Variants in RPGRIP1 observed in about 807,000 individuals in gnomAD.
The protein encoded by RPGRIP1 is RPGR interacting protein 1.
In RPGRIP1, 128 loss-of-function variants were observed where a neutral mutation model predicts 157.9. The observed-to-expected ratio is 0.81, with a 90% CI of 0.70 to 0.94. The LOEUF (loss-of-function observed/expected upper bound fraction) is 0.94. Among genes scored for constraint, RPGRIP1 ranks in the 40% least tolerant of loss-of-function variants. The probability of loss-of-function intolerance (pLI) is 0.00; values close to 1 mark genes in which losing one functional copy is unlikely to be tolerated. For synonymous variants in RPGRIP1, 554 were observed against 571.6 expected, an observed-to-expected ratio of 0.97 and a Z score of 0.44; for missense variants, 1,486 against 1,545.8, an observed-to-expected ratio of 0.96 and a Z score of 0.65.
At position 21,289,201 on chromosome 14, in the gene RPGRIP1, G is replaced by A. The variant is rs1302074220; in HGVS notation, c.85+1140G>A. ...AAATTAGCTGGGCGTTGTGGCGGGCGCCTGTAGTCCCAGCTACTCAGGAGG... is the reference window on the plus strand; with the variant it reads ...AAATTAGCTGGGCGTTGTGGCGGGCACCTGTAGTCCCAGCTACTCAGGAGG... On this transcript the variant is annotated intron_variant, in intron 2 of 24. Coordinates refer to ENST00000400017, the MANE Select transcript of RPGRIP1 (RefSeq NM_020366.4). Among the ~76,000 whole-genome samples the A allele has an allele frequency of 1.1e-4, 16 of 152,054 alleles. No individual in the cohort carries two copies. In the East Asian group the frequency reaches 1.7e-3, roughly 17 times the overall value.
rs539083010 is a variant in RPGRIP1 at position 21,306,112 on chromosome 14, CTTTTTTTTTTTTTTTTT to C, written c.801-1598_801-1582del. ...AGCTCCTAGGTTCAGGAATAATAGT[CTTTTTTTTTTTTTTTTT>C]TTTTTTTTTTTTTTTTTTTTGAGAC... On this transcript the variant is annotated intron_variant, in intron 6 of 24. Transcript: ENST00000400017. Among the ~76,000 whole-genome samples, 17 of 44,826 alleles carry C rather than the reference CTTTTTTTTTTTTTTTTT, an allele frequency of 3.8e-4. No individual in the cohort carries two copies. In the South Asian group the frequency reaches 4.1e-3, roughly 11 times the overall value. The allele number at this position is 44,826 out of a possible 152,430, so 29.4% of individuals were successfully genotyped here. A position where few individuals can be genotyped will look rare whatever the true frequency, so the allele number is the denominator to read the frequency against.
Position 21,305,004 on chromosome 14 carries a change from A to C in RPGRIP1, c.800+1461A>C, listed in dbSNP as rs2874061. ...TTTTTAGTAGAGACGGGGTTTCACC[A>C]TGTTAGCCAGGATGGTCTCGATCTC... On this transcript the variant is annotated intron_variant, in intron 6 of 24. Coordinates refer to ENST00000400017, the MANE Select transcript of RPGRIP1 (RefSeq NM_020366.4). Among the ~76,000 whole-genome samples, 164 of 151,874 alleles carry C rather than the reference A, an allele frequency of 1.1e-3. 3 individuals are homozygous for C. Among genetic ancestry groups the C allele is most frequent in the Non-Finnish European group, 1.6e-4 (11 of 67,938 alleles).
intron 10 of RPGRIP1, among the ~76,000 whole-genome samples, chr14:21,315,826 T>C: frequency 6.6e-6 from 1 of 150,814 alleles, no homozygotes; most frequent in African/African-American, 2.4e-5. Flanking sequence ...TGAGGCAGAG[T>C]CTCACTCTGT....
At chr14:21,331,707 G>T (rs1237051167) in intron 20 of RPGRIP1, among the ~76,000 whole-genome samples, 1 of 152,028 alleles carries the variant, frequency 6.6e-6, no homozygotes, top group Non-Finnish European at 1.5e-5. Flanking sequence ...TTGGGCATCT[G>T]GAGTGCTACC....
chr14:21,286,757 T>C (rs1378344833), intron 1 of RPGRIP1, among the ~76,000 whole-genome samples: 1 of 151,976 alleles, frequency 6.6e-6, no homozygotes, highest in Non-Finnish European at 1.5e-5. Context: ...ATTACACCAC[T>C]GCACTCCAGC....
At chr14:21,282,515 C>T (rs1412644622) in intron 1 of RPGRIP1, among the ~76,000 whole-genome samples, 3 of 151,964 alleles carry the variant, frequency 2.0e-5, no homozygotes, top group African/African-American at 7.2e-5. Flanking sequence ...GGATTACAGG[C>T]GTGAGCCACC....
chr14:21,299,568 T>A (rs1211560697), intron 3 of RPGRIP1, among the ~76,000 whole-genome samples: 1 of 152,146 alleles, frequency 6.6e-6, no homozygotes, highest in Non-Finnish European at 1.5e-5. Flanking sequence ...ACCCCACTGT[T>A]CTAAGCATTT....
intron 19 of RPGRIP1, among the ~76,000 whole-genome samples, chr14:21,329,100 C>T (rs150201830): frequency 2.3e-4 from 33 of 142,008 alleles, no homozygotes; most frequent in Non-Finnish European, 3.9e-4. Context: ...GCTAAGATCG[C>T]GCCATTGCAC....
chr14:21,312,621 A>G, intron 10 of RPGRIP1, 115 bp downstream of exon 10: 1 of 605,676 alleles, frequency 1.7e-6, no homozygotes, highest in Admixed American at 3.2e-5. Flanking sequence ...CAATATTGTT[A>G]GTGAGAATAT....
chr14:21,311,560 T>C (rs1189313244), intron 8 of RPGRIP1, among the ~76,000 whole-genome samples: 4 of 151,616 alleles, frequency 2.6e-5, no homozygotes, highest in Non-Finnish European at 5.9e-5. Flanking sequence ...AATAAATAAA[T>C]AAATAAATAC....
intron 19 of RPGRIP1, among the ~76,000 whole-genome samples, chr14:21,329,815 A>T (rs1413284457): frequency 1.3e-5 from 2 of 151,086 alleles, no homozygotes; most frequent in African/African-American, 4.9e-5. Flanking sequence ...TAACTTTTAA[A>T]AATTAAAAAG....
At chr14:21,290,759 C>G (rs373352191) in intron 2 of RPGRIP1, among the ~76,000 whole-genome samples, 15 of 150,846 alleles carry the variant, frequency 9.9e-5, no homozygotes, top group Non-Finnish European at 1.9e-4. Flanking sequence ...GCGGTGCTTG[C>G]AGTGAGCCGA....
At position 21,286,650 on chromosome 14, in the gene RPGRIP1, C is replaced by T. The variant is rs190993759; in HGVS notation, c.-38-1289C>T. On this transcript the variant is annotated intron_variant, in intron 1 of 24. Transcript: ENST00000400017. ...TCTCTACTAAAATTACAAATATTAG[C>T]CAGGCATGGTGGCACATGCCTGTAA... Among the ~76,000 whole-genome samples the T allele has an allele frequency of 2.0e-5, 3 of 151,784 alleles. No homozygotes were observed. The East Asian group carries it at 5.8e-4, about 29-fold the overall frequency.
chr14:21,280,346 C>A (rs573207305), intron 1 of RPGRIP1, among the ~76,000 whole-genome samples, 187 bp downstream of exon 1: 75 of 149,044 alleles, frequency 5.0e-4, no homozygotes, highest in Middle Eastern at 3.5e-3. Flanking sequence ...CAGGTTCAAG[C>A]GATTCTCCTG....
intron 22 of RPGRIP1, among the ~76,000 whole-genome samples, chr14:21,344,501 C>G (rs1362069331): frequency 6.6e-6 from 1 of 152,132 alleles, no homozygotes; most frequent in Non-Finnish European, 1.5e-5. Context: ...CCTGGTTATC[C>G]TCTAATTTAT....
At chr14:21,335,945 C>CAGTT (rs149424482) in intron 21 of RPGRIP1, among the ~76,000 whole-genome samples, 6,621 of 152,204 alleles carry the variant, frequency 0.044, 473 homozygotes, top group African/African-American at 0.15. Flanking sequence ...TGTAGGTCCT[C>CAGTT]AATATTTGTT....
intron 11 of RPGRIP1, 111 bp downstream of exon 11, chr14:21,317,961 T>C: frequency 2.1e-6 from 2 of 939,478 alleles, no homozygotes; most frequent in African/African-American, 1.6e-5. Context: ...TCCTATTCTT[T>C]TGTGGGTTGT....
intron 12 of RPGRIP1, 135 bp downstream of exon 12, chr14:21,320,312 GAC>G (rs1882264336): frequency 1.2e-6 from 1 of 837,576 alleles, no homozygotes; most frequent in Non-Finnish European, 1.8e-6. Context: ...TTTTTTTTGA[GAC>G]AGAGTCTCGC....
intron 6 of RPGRIP1, among the ~76,000 whole-genome samples, chr14:21,306,434 A>T (rs1171526859): frequency 4.0e-5 from 6 of 150,598 alleles, no homozygotes; most frequent in Non-Finnish European, 8.9e-5. Flanking sequence ...CGCCCAGCCT[A>T]ATCTTCTTTC....
Sources: gnomAD v4.1 joint callset for allele counts (sites outside exome capture counted in the v4.1 genomes callset) on GRCh38, gnomAD v4.1.1 for gene constraint, MANE v1.5 for transcripts, NCBI Gene and HGNC (gene_info 2026-07-23, HGNC 2026-07-21) for gene names.